Variants in CSPP1 observed in about 807,000 individuals in gnomAD.
CSPP1 encodes the protein centrosome and spindle pole associated protein 1, also known as centrosome and spindle pole-associated protein 1.
A neutral mutation model predicts 164.4 loss-of-function variants in CSPP1; 126 were observed. The ratio of observed to expected loss-of-function variants is 0.77; its 90% CI spans 0.66 to 0.89. CSPP1 has a LOEUF of 0.89. CSPP1 is among the 40% of genes least tolerant of loss of function. CSPP1 has a pLI of 0.00. For missense variants in CSPP1, 1,395 were observed against 1,449.8 expected, an observed-to-expected ratio of 0.96 and a Z score of 0.61; for synonymous variants, 472 against 476.7, an observed-to-expected ratio of 0.99 and a Z score of 0.13.
chr8:67,126,021 G>A (rs1028271276), intron 15 of CSPP1, among the ~76,000 whole-genome samples: 6 of 152,054 alleles, frequency 3.9e-5, no homozygotes, highest in Non-Finnish European at 8.8e-5. Context: ...TGCTAGAGAC[G>A]GGGTTTTGCT....
At chr8:67,150,802 G>T (rs565240995) in intron 18 of CSPP1, among the ~76,000 whole-genome samples, 5,325 of 152,206 alleles carry the variant, frequency 0.035, 190 homozygotes, top group African/African-American at 0.08. Flanking sequence ...ACCAGGAAAA[G>T]TTGTCAGGTA....
intron 28 of CSPP1, among the ~76,000 whole-genome samples, chr8:67,188,847 A>G (rs1835407871): frequency 6.6e-6 from 1 of 152,154 alleles, no homozygotes; most frequent in African/African-American, 2.4e-5. Context: ...AACACTAGTC[A>G]CTGGGTTCCA....
At chr8:67,103,206 A>C in intron 8 of CSPP1, 71 bp downstream of exon 8, 1 of 872,286 alleles carries the variant, frequency 1.1e-6, no homozygotes. Context: ...AAAACTGGCT[A>C]ACTGAAAAAG....
chr8:67,108,264 T>G (rs930847832), intron 9 of CSPP1, among the ~76,000 whole-genome samples: 1 of 151,944 alleles, frequency 6.6e-6, no homozygotes, highest in Non-Finnish European at 1.5e-5. Context: ...TAACTGGGTG[T>G]GGTGGCATGC....
intron 8 of CSPP1, among the ~76,000 whole-genome samples, chr8:67,104,262 T>G (rs1367733136): frequency 2.2e-5 from 3 of 136,552 alleles, no homozygotes; most frequent in Non-Finnish European, 3.0e-5. Context: ...CAAGAAAGGT[T>G]TTTTTTTTTT....
intron 17 of CSPP1, among the ~76,000 whole-genome samples, chr8:67,141,370 G>T (rs762152926): frequency 6.6e-6 from 1 of 152,130 alleles, no homozygotes; most frequent in African/African-American, 2.4e-5. Flanking sequence ...GTAATGTTTA[G>T]TTGGCTTATT....
intron 15 of CSPP1, among the ~76,000 whole-genome samples, chr8:67,128,989 G>A (rs1215312435): frequency 6.6e-6 from 1 of 152,108 alleles, no homozygotes; most frequent in Non-Finnish European, 1.5e-5. Context: ...AATATGTAAA[G>A]TGTTTAGGAT....
rs760288295 is a variant in CSPP1 at position 67,195,437 on chromosome 8, C to T, written c.3525C>T (p.Asp1175=). 35 of 1,613,988 alleles carry T rather than the reference C, an allele frequency of 2.2e-5. No individual in the cohort carries two copies. Among genetic ancestry groups the T allele is most frequent in the Admixed American group, 6.7e-5 (4 of 60,006 alleles). ...ACATCATGAAACACATAGGGGATGACGGATCAAACTCTGTAGCAACTGAGC... is the reference window on the plus strand; with the variant it reads ...ACATCATGAAACACATAGGGGATGATGGATCAAACTCTGTAGCAACTGAGC... ...PDDIMKHIGD[D]GSNSVATEPW... Residue 1175 remains aspartate, a synonymous_variant, in exon 31 of 31, where the codon GAC becomes GAT. Transcript: ENST00000678616.
Position 67,189,292 on chromosome 8 carries a change from G to A in CSPP1, c.3221-1358G>A, listed in dbSNP as rs367791247. 7.9e-5 allele frequency among the ~76,000 whole-genome samples: 12 copies of A among 152,316 alleles called. No homozygotes were observed. The South Asian group carries it at 1.4e-3, about 18-fold the overall frequency. On this transcript the variant is annotated intron_variant, in intron 28 of 30. Transcript: ENST00000678616. ...ATTTGCCTAAGGGAGCTGAAAACTT[G>A]TCCATAAAGAAACTGGCACACAGAT...
chr8:67,166,482 C>T (rs968403828), intron 24 of CSPP1, among the ~76,000 whole-genome samples: 2 of 152,006 alleles, frequency 1.3e-5, no homozygotes, highest in African/African-American at 2.4e-5. Context: ...TGTTTGTATT[C>T]TCCAGGAATA....
At chr8:67,159,770 C>T (rs1306716184) in intron 21 of CSPP1, among the ~76,000 whole-genome samples, 2 of 150,928 alleles carry the variant, frequency 1.3e-5, no homozygotes, top group Non-Finnish European at 3.0e-5. Context: ...GATCCACCCA[C>T]CTCTGCCTCC....
At chr8:67,137,371 T>G in intron 16 of CSPP1, 85 bp from the exon 17 acceptor site, 1 of 1,070,522 alleles carries the variant, frequency 9.3e-7, no homozygotes, top group Non-Finnish European at 1.2e-6. Context: ...TGTTTTCTAA[T>G]ACAAAAAATA....
chr8:67,080,344 A>G (rs1808887703), intron 3 of CSPP1, among the ~76,000 whole-genome samples: 1 of 152,258 alleles, frequency 6.6e-6, no homozygotes, highest in Non-Finnish European at 1.5e-5. Context: ...ATCTATTGAT[A>G]GCTCATAGTA....
intron 29 of CSPP1, among the ~76,000 whole-genome samples, chr8:67,192,885 T>A (rs1349983945): frequency 6.6e-6 from 1 of 152,218 alleles, no homozygotes; most frequent in Non-Finnish European, 1.5e-5. Context: ...CTGTCTTGAT[T>A]ATAGCTGGAC....
At chr8:67,127,615 C>T (rs772874919) in intron 15 of CSPP1, among the ~76,000 whole-genome samples, 3 of 152,194 alleles carry the variant, frequency 2.0e-5, no homozygotes, top group South Asian at 2.1e-4. Context: ...AATTTTGACT[C>T]GTGTTCTCAT....
chr8:67,186,295 C>A (rs373371400), intron 28 of CSPP1, among the ~76,000 whole-genome samples: 1 of 152,056 alleles, frequency 6.6e-6, no homozygotes, highest in East Asian at 1.9e-4. Context: ...TGCAACTCCA[C>A]CCTTTGCTTG....
At chr8:67,183,911 G>A (rs890796806) in intron 28 of CSPP1, among the ~76,000 whole-genome samples, 3 of 141,552 alleles carry the variant, frequency 2.1e-5, no homozygotes, top group African/African-American at 5.4e-5. Flanking sequence ...GGAGCGTGAT[G>A]GCGTGATCTT....
At position 67,074,271 on chromosome 8, in the gene CSPP1, G is replaced by T. The variant is rs1201375699; in HGVS notation, c.19G>T (p.Glu7Ter). ...CTGCAAAATGGCTGATAATTTGGAT[G>T]AATTTATTGAAGAGCAAAAAGCCAG... MADNLD[E>*]FIEEQKARLA... The change falls in exon 2 of 31, where the codon GAA (glutamate) becomes TAA (stop). Residue 7 changes from glutamate (E) to a stop codon, truncating the protein, a stop_gained. Coordinates refer to ENST00000678616, the MANE Select transcript of CSPP1 (RefSeq NM_001382391.1). LOFTEE classifies it high-confidence loss of function. 1.2e-6 allele frequency: 2 copies of T among 1,609,440 alleles called. No individual in the cohort carries two copies. The highest frequency in any genetic ancestry group is 4.5e-5 in the East Asian group (2 of 44,638).
In CSPP1 at chr8:67,091,829, A is replaced by G. The variant is rs769915284; in HGVS notation, c.330A>G (p.Thr110=). 5.9e-6 allele frequency: 8 copies of G among 1,347,252 alleles called. No individual in the cohort carries two copies. The South Asian group carries it at 9.4e-5, about 16-fold the overall frequency. 83.5% of individuals were successfully genotyped at this position (1,347,252 alleles called of 1,614,324 possible). A position where few individuals can be genotyped will look rare whatever the true frequency, so the allele number is the denominator to read the frequency against. The change falls in exon 5 of 31, where the codon ACA becomes ACG. Residue 110 remains threonine, a synonymous_variant. Coordinates refer to ENST00000678616, the MANE Select transcript of CSPP1 (RefSeq NM_001382391.1). ...TQKNFLSTSE[T]DPSTLGVSLP... The stretch of plus-strand genomic sequence containing the variant: ...AAAATTTTCTATCTACGAGTGAAAC[A>G]GATCCATCTACTTTGGGAGTTTCTC...
Sources: allele counts gnomAD v4.1 joint callset (sites outside exome capture counted in the v4.1 genomes callset), GRCh38; gene constraint gnomAD v4.1.1; transcripts MANE v1.5; gene names NCBI Gene and HGNC (gene_info 2026-07-23, HGNC 2026-07-21).